Variants in ENDOV observed in about 807,000 individuals in gnomAD.
The protein encoded by ENDOV is hEndoV.
Under a neutral mutation model 39.4 loss-of-function variants are expected in ENDOV, and 37 were observed. The observed-to-expected ratio is 0.94, with a 90% confidence interval of 0.72 to 1.23. The LOEUF (loss-of-function observed/expected upper bound fraction) is 1.23. ENDOV is among the 50% of genes most tolerant of loss of function. ENDOV has a pLI of 0.00. For missense variants in ENDOV, 441 were observed against 375.7 expected (o/e 1.17, Z -1.44); for synonymous variants, 186 against 163.4 (o/e 1.14, Z -1.05).
intron 2 of ENDOV, among the ~76,000 whole-genome samples, chr17:80,421,333 T>C (rs2081996535): frequency 1.3e-5 from 2 of 148,746 alleles, no homozygotes; most frequent in Admixed American, 1.3e-4. Flanking sequence ...AATCCTCCTA[T>C]GGACCAGGTC....
intron 8 of ENDOV, 136 bp downstream of exon 8, chr17:80,428,796 G>A: frequency 1.2e-6 from 1 of 819,034 alleles, no homozygotes; most frequent in Non-Finnish European, 2.0e-6. Context: ...GAAGGCAGGG[G>A]ACACAGGAGA....
chr17:80,415,425 G>A (rs1379542162), intron 1 of ENDOV, 175 bp downstream of exon 1: 5 of 1,006,138 alleles, frequency 5.0e-6, no homozygotes, highest in African/African-American at 4.9e-5. Flanking sequence ...TGTAGTCCGC[G>A]GGGTGGGCGC....
intron 4 of ENDOV, among the ~76,000 whole-genome samples, chr17:80,422,509 C>T (rs2082183637): frequency 6.6e-6 from 1 of 152,270 alleles, no homozygotes; most frequent in Non-Finnish European, 1.5e-5. Flanking sequence ...TGTGCTGGCT[C>T]ATCTCCAGGT....
intron 9 of ENDOV, among the ~76,000 whole-genome samples, chr17:80,432,019 G>T (rs1441241624): frequency 6.6e-6 from 1 of 152,106 alleles, no homozygotes; most frequent in Non-Finnish European, 1.5e-5. Context: ...AGCTGTGTGA[G>T]CCTCGGGGAC....
chr17:80,417,831 C>A (rs1220799319), intron 2 of ENDOV: 1 of 152,186 alleles, frequency 6.6e-6, no homozygotes, highest in Non-Finnish European at 1.5e-5. Context: ...ACGCTGGACT[C>A]TTCCTTCAAG....
At chr17:80,430,421 G>T in intron 9 of ENDOV, 1 of 1,438,542 alleles carries the variant, frequency 7.0e-7, no homozygotes, top group Non-Finnish European at 9.2e-7. Context: ...TTACCCTGAG[G>T]TTTACTTGCA....
chr17:80,428,995 C>T (rs1212521251), intron 8 of ENDOV, among the ~76,000 whole-genome samples: 2 of 152,250 alleles, frequency 1.3e-5, no homozygotes, highest in African/African-American at 4.8e-5. Flanking sequence ...GACGTGGGCT[C>T]TGCAGAAAAG....
At chr17:80,418,032 C>T (rs1291207837) in intron 2 of ENDOV, 1 of 152,142 alleles carries the variant, frequency 6.6e-6, no homozygotes, top group Non-Finnish European at 1.5e-5. Flanking sequence ...GTACTGAGTG[C>T]CTACTGTGTG....
In ENDOV at chr17:80,421,899, G is replaced by A. The variant is rs563522901; in HGVS notation, c.300G>A (p.Glu100=). 3.1e-6 allele frequency: 5 copies of A among 1,610,710 alleles called. No individual in the cohort carries two copies. The East Asian group carries it at 1.1e-4, about 36-fold the overall frequency. ...PYVSGFLAFR[E]VPFLLELVQQ... is the part of the protein sequence containing the mutation. ...TGTCGGGCTTCCTGGCCTTCCGAGA[G>A]GTGCCCTTCTTGCTGGAGCTGGTGC... The change falls in exon 3 of 10, where the codon GAG becomes GAA. Residue 100 remains glutamate (E), a synonymous_variant. Transcript: ENST00000518137.
Position 80,436,487 on chromosome 17 carries a change from T to A in ENDOV, c.*344T>A. 4 of 720,602 alleles carry A rather than the reference T, an allele frequency of 5.6e-6. No individual in the cohort carries two copies. Among genetic ancestry groups the A allele is most frequent in the Non-Finnish European group, 7.8e-6 (4 of 511,828 alleles). 44.6% of individuals were successfully genotyped at this position (720,602 alleles called of 1,614,324 possible). On this transcript the variant is annotated 3_prime_UTR_variant, in exon 10 of 10. Transcript: ENST00000518137. ...GTTAAGTGTTTTTATCCTTAAAGGG[T>A]ACTGGATTTTGTCAAATGCTTTTCT...
chr17:80,422,961 A>G (rs1158725682), intron 4 of ENDOV, among the ~76,000 whole-genome samples: 1 of 151,816 alleles, frequency 6.6e-6, no homozygotes, highest in Non-Finnish European at 1.5e-5. Flanking sequence ...GGCCTCCCAA[A>G]GTGCTGGGAT....
In ENDOV at chr17:80,431,981, C is replaced by T. The variant is rs189931289; in HGVS notation, c.838+2150C>T. ...TTGTGTGGACCCTGTCTGCCTCTAG[C>T]TCAAGTTGGGAGGGGTGTCAGCTGT... On this transcript the variant is annotated intron_variant, in intron 9 of 9. Coordinates refer to ENST00000518137, the MANE Select transcript of ENDOV (RefSeq NM_173627.5). Among the ~76,000 whole-genome samples, 7 of 152,244 alleles carry T rather than the reference C, an allele frequency of 4.6e-5. No individual in the cohort carries two copies. In the East Asian group the frequency reaches 1.4e-3, roughly 29 times the overall value.
Position 80,436,250 on chromosome 17 carries a change from A to ATCGAACGCGGTGGTGAGAGCACACC in ENDOV, c.*109_*110insGAACGCGGTGGTGAGAGCACACCTC. 1.1e-6 allele frequency: 1 copy of ATCGAACGCGGTGGTGAGAGCACACC among 918,352 alleles called. No individual in the cohort carries two copies. Among genetic ancestry groups the ATCGAACGCGGTGGTGAGAGCACACC allele is most frequent in the Non-Finnish European group, 1.6e-6 (1 of 638,452 alleles). The allele number at this position is 918,352 out of a possible 1,614,324, so 56.9% of individuals were successfully genotyped here. On this transcript the variant is annotated 3_prime_UTR_variant, in exon 10 of 10. Coordinates refer to ENST00000518137, the MANE Select transcript of ENDOV (RefSeq NM_173627.5). Reference sequence around the variant, plus strand: ...ATCGAACGCGGTGGTGAGAGCACACATCCTCGTCTCGTTCCTGATCGAACG... The same window carrying ATCGAACGCGGTGGTGAGAGCACACC: ...ATCGAACGCGGTGGTGAGAGCACACATCGAACGCGGTGGTGAGAGCACACCTCCTCGTCTCGTTCCTGATCGAACG...
chr17:80,436,657 A>T lies in ENDOV; in HGVS notation c.*514A>T, dbSNP rs577527056. ...TCCATTTACTCTGCTGCTGAATGTG[A>T]TTTGCTTGTATTTTGGTGCGGATTT... On this transcript the variant is annotated 3_prime_UTR_variant, in exon 10 of 10. Coordinates refer to ENST00000518137, the MANE Select transcript of ENDOV (RefSeq NM_173627.5). 2 of 192,138 alleles carry T rather than the reference A, an allele frequency of 1.0e-5. No individual in the cohort carries two copies. Among genetic ancestry groups the T allele is most frequent in the South Asian group, 2.1e-4 (2 of 9,520 alleles). 11.9% of individuals were successfully genotyped at this position (192,138 alleles called of 1,614,324 possible).
rs770942830 is a variant in ENDOV at position 80,423,044 on chromosome 17, C to T, written c.404-476C>T. On this transcript the variant is annotated intron_variant, in intron 4 of 9. Transcript: ENST00000518137. Reference sequence around the variant, plus strand: ...CTGTTACATACAGAGCTGCGGGCGGCGCAGCAGCACCCAGAGAGGGCCCAG... The same window carrying T: ...CTGTTACATACAGAGCTGCGGGCGGTGCAGCAGCACCCAGAGAGGGCCCAG... Among the ~76,000 whole-genome samples, 7 of 152,212 alleles carry T rather than the reference C, an allele frequency of 4.6e-5. No homozygotes were observed. The South Asian group carries it at 6.2e-4, about 13-fold the overall frequency.
chr17:80,427,044 A>G (rs923777833), intron 7 of ENDOV, among the ~76,000 whole-genome samples: 3 of 152,204 alleles, frequency 2.0e-5, no homozygotes, highest in African/African-American at 7.2e-5. Flanking sequence ...GCTGGCGCGC[A>G]GTGTGGCCTC....
At chr17:80,423,992 C>T (rs2082380521) in intron 5 of ENDOV, 4 of 353,798 alleles carry the variant, frequency 1.1e-5, no homozygotes, top group Non-Finnish European at 2.0e-5. Flanking sequence ...CTTGCCCCAG[C>T]CCCTGTCTCC....
At chr17:80,430,260 A>T in intron 9 of ENDOV, 1 of 1,478,282 alleles carries the variant, frequency 6.8e-7, no homozygotes, top group Non-Finnish European at 8.9e-7. Flanking sequence ...GACGAAGGGG[A>T]CTCGGAGCTG....
chr17:80,436,152 G>A lies in ENDOV; in HGVS notation c.*9G>A, dbSNP rs1426713455. ...GTCTAGCACTTTGTTGAACGTGGTG[G>A]TGAGAGCACACGTCCTCGTCTCATT... On this transcript the variant is annotated 3_prime_UTR_variant, in exon 10 of 10. Transcript: ENST00000518137. 6.2e-7 allele frequency: 1 copy of A among 1,603,678 alleles called. No individual in the cohort carries two copies. Among genetic ancestry groups the A allele is most frequent in the Admixed American group, 1.7e-5 (1 of 59,046 alleles).
Sources: allele counts gnomAD v4.1 joint callset (sites outside exome capture counted in the v4.1 genomes callset), GRCh38; gene constraint gnomAD v4.1.1; transcripts MANE v1.5; gene names NCBI Gene and HGNC (gene_info 2026-07-23, HGNC 2026-07-21).